Variants in PDIA5 observed in about 807,000 individuals in gnomAD.
PDIA5 encodes protein disulfide isomerase family A member 5.
PDIA5 carries 58 observed loss-of-function variants against 77.6 expected under a neutral mutation model. The observed-to-expected ratio is 0.75, with a 90% confidence interval of 0.61 to 0.93. PDIA5 has a LOEUF of 0.93. PDIA5 is among the 40% of genes least tolerant of loss of function. The pLI is 0.00. For missense variants in PDIA5, 630 were observed against 647.7 expected, an observed-to-expected ratio of 0.97 and a Z score of 0.30; for synonymous variants, 250 against 252.1, an observed-to-expected ratio of 0.99 and a Z score of 0.08.
At chr3:123,096,195 T>C (rs771645476) in intron 3 of PDIA5, among the ~76,000 whole-genome samples, 36 of 152,126 alleles carry the variant, frequency 2.4e-4, no homozygotes, top group Admixed American at 5.9e-4. Flanking sequence ...CACCGCCCCA[T>C]TGCATGGCCC....
chr3:123,096,689 T>C (rs944918843), intron 3 of PDIA5, among the ~76,000 whole-genome samples: 1 of 152,216 alleles, frequency 6.6e-6, no homozygotes, highest in Non-Finnish European at 1.5e-5. Context: ...CTGTAGGGCA[T>C]CTGACTTCTG....
At chr3:123,102,020 CT>C (rs1484813682) in intron 3 of PDIA5, among the ~76,000 whole-genome samples, 4 of 148,928 alleles carry the variant, frequency 2.7e-5, no homozygotes, top group African/African-American at 9.8e-5. Context: ...AGCGATTCTC[CT>C]GCCTCAGCCT....
chr3:123,108,835 G>A (rs1050121945), intron 6 of PDIA5, among the ~76,000 whole-genome samples: 1 of 151,884 alleles, frequency 6.6e-6, no homozygotes, highest in East Asian at 2.0e-4. Context: ...GCAGTGAGCC[G>A]AGATCATGCC....
chr3:123,146,251 G>A lies in PDIA5; in HGVS notation c.1134G>A (p.Trp378Ter). 1 of 1,613,838 alleles carries A rather than the reference G, an allele frequency of 6.2e-7. No individual in the cohort carries two copies. Among genetic ancestry groups the A allele is most frequent in the Middle Eastern group, 1.7e-4 (1 of 6,060 alleles). Reference sequence around the variant, plus strand: ...GGACAAAGAAGAAGTTTCTCGAGTGGATGCAAAAGTAAGTGTTACGATCTC... The same window carrying A: ...GGACAAAGAAGAAGTTTCTCGAGTGAATGCAAAAGTAAGTGTTACGATCTC... ...VLRTKKKFLEWMQNPEAPPPP... is the reference protein window; with the variant it reads ...VLRTKKKFLE Residue 378 changes from tryptophan to a stop codon, truncating the protein, a stop_gained, in exon 13 of 17, where the codon TGG becomes TGA. Transcript: ENST00000316218. LOFTEE classifies it high-confidence loss of function.
intron 14 of PDIA5, among the ~76,000 whole-genome samples, chr3:123,154,723 G>A (rs932889945): frequency 3.3e-5 from 5 of 152,054 alleles, no homozygotes; most frequent in African/African-American, 7.2e-5. Flanking sequence ...AGTGACCATC[G>A]CCCCCCAGCC....
intron 8 of PDIA5, among the ~76,000 whole-genome samples, chr3:123,119,994 C>T (rs1162405092): frequency 1.3e-5 from 2 of 152,210 alleles, no homozygotes; most frequent in East Asian, 1.9e-4. Context: ...CTGTCATTGA[C>T]GTCTGGTGAC....
intron 2 of PDIA5, 116 bp downstream of exon 2, chr3:123,089,410 ATGGGGTT>A: frequency 1.0e-6 from 1 of 973,012 alleles, no homozygotes; most frequent in East Asian, 2.4e-5. Flanking sequence ...TCCAAGGGAC[ATGGGGTT>A]TGTCACCTTT....
chr3:123,084,973 C>T (rs972634557), intron 1 of PDIA5, among the ~76,000 whole-genome samples: 5 of 152,178 alleles, frequency 3.3e-5, no homozygotes, highest in Admixed American at 3.3e-4. Context: ...CCACTCTCTT[C>T]CTGCACCAGG....
intron 1 of PDIA5, among the ~76,000 whole-genome samples, chr3:123,073,284 C>T (rs1163230339): frequency 2.0e-5 from 3 of 152,158 alleles, no homozygotes; most frequent in Admixed American, 6.5e-5. Flanking sequence ...TGTCCTTAGA[C>T]GAGGTTGAGG....
rs1196805406 is a variant in PDIA5, at chr3:123,106,840, A to C, written c.479A>C (p.Lys160Thr). 2.5e-6 allele frequency: 4 copies of C among 1,602,588 alleles called. No homozygotes were observed. The highest frequency in any genetic ancestry group is 3.4e-6 in the Non-Finnish European group (4 of 1,170,910). ...GATGTTGTCCACCTTGACAGTGAAA[A>C]GGTAATGTATTCCCCGTCAGTTCTG... ...AKDVVHLDSEKDFRRLLKKEE... is the reference protein window; with the variant it reads ...AKDVVHLDSETDFRRLLKKEE... Residue 160 changes from lysine to threonine, a missense_variant and splice_region_variant, in exon 6 of 17, where the codon AAG (lysine) becomes ACG (threonine). Coordinates refer to ENST00000316218, the MANE Select transcript of PDIA5 (RefSeq NM_006810.4).
chr3:123,120,495 G>T (rs1342035926), intron 8 of PDIA5, among the ~76,000 whole-genome samples: 1 of 152,218 alleles, frequency 6.6e-6, no homozygotes, highest in African/African-American at 2.4e-5. Context: ...CCTTCCACCG[G>T]CTAGATGGGG....
intron 11 of PDIA5, among the ~76,000 whole-genome samples, chr3:123,134,291 CT>C (rs1436821135): frequency 1.3e-5 from 2 of 152,304 alleles, no homozygotes; most frequent in African/African-American, 4.8e-5. Flanking sequence ...ATGTTAGTTT[CT>C]TTCCCGGTCC....
intron 15 of PDIA5, among the ~76,000 whole-genome samples, chr3:123,156,836 A>G (rs1936030595): frequency 6.6e-6 from 1 of 152,106 alleles, no homozygotes; most frequent in Non-Finnish European, 1.5e-5. Flanking sequence ...AGCCCCATTG[A>G]CGTGGCCCCT....
chr3:123,126,467 T>G (rs1334497663), intron 10 of PDIA5, among the ~76,000 whole-genome samples: 1 of 152,184 alleles, frequency 6.6e-6, no homozygotes, highest in Non-Finnish European at 1.5e-5. Flanking sequence ...GATACTCAAC[T>G]AAGATAGGCT....
intron 12 of PDIA5, 111 bp from the exon 13 acceptor site, chr3:123,145,988 T>C (rs1335087061): frequency 9.9e-7 from 1 of 1,013,138 alleles, no homozygotes; most frequent in African/African-American, 1.6e-5. Flanking sequence ...GCCACCCCAG[T>C]TAAATTCCAG....
At chr3:123,084,507 C>T (rs1265073796) in intron 1 of PDIA5, among the ~76,000 whole-genome samples, 1 of 152,210 alleles carries the variant, frequency 6.6e-6, no homozygotes, top group Admixed American at 6.5e-5. Flanking sequence ...TTCCTGTCTC[C>T]TCCCTCTGAG....
At chr3:123,101,104 A>C (rs1479543662) in intron 3 of PDIA5, among the ~76,000 whole-genome samples, 4 of 152,160 alleles carry the variant, frequency 2.6e-5, no homozygotes, top group African/African-American at 9.7e-5. Context: ...CAGGTCTCTA[A>C]GGGACTGGTT....
At chr3:123,087,430 C>G (rs564582435) in intron 1 of PDIA5, among the ~76,000 whole-genome samples, 1 of 148,332 alleles carries the variant, frequency 6.7e-6, no homozygotes, top group Admixed American at 6.7e-5. Flanking sequence ...TTCTTAAGTC[C>G]TTTTTTATTT....
intron 5 of PDIA5, among the ~76,000 whole-genome samples, chr3:123,105,429 G>A (rs1192084005): frequency 6.6e-6 from 1 of 152,170 alleles, no homozygotes; most frequent in Non-Finnish European, 1.5e-5. Flanking sequence ...CAATTCCATA[G>A]TTCCTTATGT....
Sources: allele counts gnomAD v4.1 joint callset (sites outside exome capture counted in the v4.1 genomes callset), GRCh38; gene constraint gnomAD v4.1.1; transcripts MANE v1.5; gene names NCBI Gene and HGNC (gene_info 2026-07-23, HGNC 2026-07-21).